ZNF599: variants seen among roughly 807,000 people sequenced by gnomAD.
ZNF599 encodes the protein zinc finger protein 599.
ZNF599 carries 10 observed loss-of-function variants against 11.7 expected under a neutral mutation model. The observed-to-expected ratio is 0.86, with a 90% CI of 0.53 to 1.45. ZNF599 has a LOEUF of 1.45. ZNF599 is among the 40% of genes most tolerant of loss of function. The pLI is 0.00. For missense variants in ZNF599, 688 were observed against 713.6 expected, an observed-to-expected ratio of 0.96 and a Z score of 0.41; for synonymous variants, 232 against 253.2, an observed-to-expected ratio of 0.92 and a Z score of 0.79.
intron 3 of ZNF599, chr19:34,763,648 A>G (rs942882891): frequency 6.6e-6 from 1 of 152,238 alleles, no homozygotes; most frequent in African/African-American, 2.4e-5. Flanking sequence ...CATTTCTGCT[A>G]TATAAGCCAC....
Position 34,772,996 on chromosome 19 carries a change from C to A in ZNF599, c.-155G>T. ...GGTTCGCGGCGCCGCCTCTGCGCGC[C>A]GTGAGGACACAGGGCTGTCGCCAAG... On this transcript the variant is annotated 5_prime_UTR_variant, in exon 1 of 4. Transcript: ENST00000329285. 1.1e-6 allele frequency: 1 copy of A among 900,322 alleles called. No individual in the cohort carries two copies. The highest frequency in any genetic ancestry group is 1.6e-6 in the Non-Finnish European group (1 of 633,866). 55.8% of individuals were successfully genotyped at this position (900,322 alleles called of 1,614,324 possible).
the ZNF599 span, among the ~76,000 whole-genome samples, chr19:34,806,724 G>A: frequency 1.3e-5 from 2 of 152,094 alleles, no homozygotes; most frequent in Non-Finnish European, 2.9e-5. Context: ...CTGAACATAT[G>A]ACCCATAAAG....
At chr19:34,774,090 G>T (rs1343858487), upstream of ZNF599, among the ~76,000 whole-genome samples, 1 of 152,194 alleles carries the variant, frequency 6.6e-6, no homozygotes, top group Non-Finnish European at 1.5e-5. Context: ...AACGGTATAT[G>T]CAGGAGGGTT....
At chr19:34,788,882 T>A in the ZNF599 span, among the ~76,000 whole-genome samples, 1 of 152,362 alleles carries the variant, frequency 6.6e-6, no homozygotes, top group East Asian at 1.9e-4. Flanking sequence ...TTAACATGTA[T>A]AGACATTAGA....
At position 34,759,175 on chromosome 19, in the gene ZNF599, T is replaced by C; in HGVS notation, c.1626A>G (p.Lys542=). 6.2e-7 allele frequency: 1 copy of C among 1,614,152 alleles called. No homozygotes were observed. The highest frequency in any genetic ancestry group is 8.5e-7 in the Non-Finnish European group (1 of 1,180,022). ...EKPFECKECE[K]AFCDNFALTQ... is the part of the protein sequence containing the mutation. ...TTAAAGCAAAGTTGTCACAGAAGGC[T>C]TTCTCACATTCTTTGCATTCAAAAG... Residue 542 remains lysine, a synonymous_variant, in exon 4 of 4, where the codon AAA becomes AAG. Coordinates refer to ENST00000329285, the MANE Select transcript of ZNF599 (RefSeq NM_001007248.3).
chr19:34,762,280 CAA>C (rs2145452588), intron 3 of ZNF599, among the ~76,000 whole-genome samples: 1 of 152,288 alleles, frequency 6.6e-6, no homozygotes, highest in South Asian at 2.1e-4. Context: ...ATTAGGACCA[CAA>C]TGAGATGCCC....
intron 3 of ZNF599, chr19:34,765,389 G>A: frequency 1.7e-6 from 1 of 583,940 alleles, no homozygotes; most frequent in Non-Finnish European, 3.1e-6. Context: ...GAAGTGAGCT[G>A]ATGGTGATGA....
chr19:34,779,059 C>T, the ZNF599 span, among the ~76,000 whole-genome samples: 54 of 152,030 alleles, frequency 3.6e-4, 1 homozygote, highest in African/African-American at 1.3e-3. Flanking sequence ...TGGAACTCAC[C>T]AACACTGCTG....
chr19:34,772,330 C>T (rs1568495459), intron 1 of ZNF599: 1 of 991,366 alleles, frequency 1.0e-6, no homozygotes, highest in Non-Finnish European at 1.2e-6. Flanking sequence ...GCTGCTCCCG[C>T]CTCACCTCTT....
chr19:34,760,032 A>G lies in ZNF599; in HGVS notation c.769T>C (p.Cys257Arg). The G allele has an allele frequency of 6.2e-7, 1 of 1,613,996 alleles. No individual in the cohort carries two copies. The highest frequency in any genetic ancestry group is 8.5e-7 in the Non-Finnish European group (1 of 1,180,002). ...TTGAAGGCTTTCCCACACTCAATAC[A>G]CTTGTATGGTTTTTCCCCAGTATGA... ...RLHTGEKPYK[C>R]IECGKAFKRR... Residue 257 changes from cysteine to arginine, a missense_variant, in exon 4 of 4, where the codon TGT (cysteine) becomes CGT (arginine). By Grantham distance (180) the Cys-to-Arg change is radical. Transcript: ENST00000329285.
intron 3 of ZNF599, 22 bp from the exon 4 acceptor site, chr19:34,760,581 A>G (rs760146665): frequency 6.4e-7 from 1 of 1,568,204 alleles, no homozygotes; most frequent in Non-Finnish European, 8.6e-7. Flanking sequence ...CCAATATAAA[A>G]AAAACTGAAC....
the ZNF599 span, among the ~76,000 whole-genome samples, chr19:34,781,619 T>G: frequency 1.3e-5 from 2 of 152,198 alleles, no homozygotes; most frequent in Non-Finnish European, 2.9e-5. Flanking sequence ...TATAGGAGGC[T>G]TTAACAGTGC....
intron 1 of ZNF599, chr19:34,772,585 C>G: frequency 1.5e-6 from 2 of 1,337,542 alleles, no homozygotes; most frequent in South Asian, 1.9e-5. Context: ...GGCAGCGAGG[C>G]GACAGCTCCA....
intron 3 of ZNF599, among the ~76,000 whole-genome samples, chr19:34,762,330 G>A (rs546300098): frequency 3.3e-5 from 5 of 152,150 alleles, no homozygotes; most frequent in Admixed American, 6.5e-5. Flanking sequence ...CTAAAGGACC[G>A]GACAACATCA....
At chr19:34,784,499 C>T in the ZNF599 span, among the ~76,000 whole-genome samples, 15 of 152,312 alleles carry the variant, frequency 9.8e-5, no homozygotes, top group East Asian at 1.9e-4. Context: ...GCAAGGGCAG[C>T]GCCCAGTTCC....
At position 34,772,924 on chromosome 19, in the gene ZNF599, G is replaced by C. The variant is rs2069194368; in HGVS notation, c.-83C>G. ...TCGGCCGACCCCGGGCTCCGGCTCT[G>C]GGCTGCGAGGGACCTCAGTCCCCGC... On this transcript the variant is annotated 5_prime_UTR_variant, in exon 1 of 4. Transcript: ENST00000329285. The C allele has an allele frequency of 2.2e-6, 3 of 1,362,788 alleles. No homozygotes were observed. In the African/African-American group the frequency reaches 4.6e-5, roughly 21 times the overall value. The allele number at this position is 1,362,788 out of a possible 1,614,324, so 84.4% of individuals were successfully genotyped here.
the ZNF599 span, among the ~76,000 whole-genome samples, chr19:34,783,960 G>A: frequency 1.1e-4 from 16 of 152,184 alleles, no homozygotes; most frequent in African/African-American, 3.9e-4. Context: ...CTCTGTACAT[G>A]GCATGCAAAG....
At chr19:34,772,801 G>C in intron 1 of ZNF599, 23 bp downstream of exon 1, 1 of 1,534,300 alleles carries the variant, frequency 6.5e-7, no homozygotes, top group Non-Finnish European at 8.7e-7. Flanking sequence ...GAGCTCGCGC[G>C]GGCTGCGGAA....
At chr19:34,771,353 C>T (rs2069182994) in intron 1 of ZNF599, among the ~76,000 whole-genome samples, 1 of 152,140 alleles carries the variant, frequency 6.6e-6, no homozygotes, top group Admixed American at 6.5e-5. Context: ...ATCTGAGTCT[C>T]CGGTTCCTCT....
Sources: allele counts gnomAD v4.1 joint callset (sites outside exome capture counted in the v4.1 genomes callset), GRCh38; gene constraint gnomAD v4.1.1; transcripts MANE v1.5; gene names NCBI Gene and HGNC (gene_info 2026-07-23, HGNC 2026-07-21).